CDH13: variants seen among roughly 807,000 people sequenced by gnomAD.
CDH13 encodes the protein cadherin-13.
Under a neutral mutation model 63.8 loss-of-function variants are expected in CDH13, and 24 were observed. The ratio of observed to expected loss-of-function variants is 0.38; its 90% CI spans 0.27 to 0.53. CDH13 has a LOEUF of 0.53. CDH13 is among the 20% of genes least tolerant of loss of function. The pLI, the probability that CDH13 is intolerant of heterozygous loss-of-function variation, is 0.85. For synonymous variants in CDH13, 503 were observed against 355.3 expected (o/e 1.42, Z -4.67); for missense variants, 1,049 against 903.1 (o/e 1.16, Z -2.07).
chr16:82,954,907 T>G (rs1412699983), intron 2 of CDH13, among the ~76,000 whole-genome samples: 1 of 152,236 alleles, frequency 6.6e-6, no homozygotes, highest in Non-Finnish European at 1.5e-5. Context: ...TGTGCCTGCC[T>G]TCTTTCACTT....
At chr16:83,415,773 A>G (rs560706741) in intron 6 of CDH13, among the ~76,000 whole-genome samples, 33 of 152,308 alleles carry the variant, frequency 2.2e-4, no homozygotes, top group African/African-American at 7.0e-4. Flanking sequence ...AAGGCCACAT[A>G]TGAAAAGTCC....
Position 83,791,561 on chromosome 16 carries a change from C to T in CDH13, c.2135-3462C>T, listed in dbSNP as rs549390686. 3.9e-5 allele frequency among the ~76,000 whole-genome samples: 6 copies of T among 151,968 alleles called. No homozygotes were observed. In the East Asian group the frequency reaches 5.8e-4, roughly 15 times the overall value. Reference sequence around the variant, plus strand: ...GGTGGGGTGGCTCATACCTGTAATCCCAGCACTTTGGGAGGCCGAGGTGGG... The same window carrying T: ...GGTGGGGTGGCTCATACCTGTAATCTCAGCACTTTGGGAGGCCGAGGTGGG... On this transcript the variant is annotated intron_variant, in intron 13 of 13. Coordinates refer to ENST00000567109, the MANE Select transcript of CDH13 (RefSeq NM_001257.5).
chr16:82,661,797 C>T (rs1911979062), intron 1 of CDH13, among the ~76,000 whole-genome samples: 1 of 152,252 alleles, frequency 6.6e-6, no homozygotes, highest in East Asian at 1.9e-4. Flanking sequence ...AGTACACACA[C>T]AGATGTGTGT....
chr16:83,208,525 G>T, intron 4 of CDH13, among the ~76,000 whole-genome samples: 1 of 151,904 alleles, frequency 6.6e-6, no homozygotes, highest in South Asian at 2.1e-4. Context: ...ATTAGCATAT[G>T]CATGTAACTC....
intron 2 of CDH13, among the ~76,000 whole-genome samples, chr16:82,999,254 C>A (rs7499722): frequency 5.3e-5 from 8 of 151,616 alleles, no homozygotes; most frequent in African/African-American, 1.7e-4. Flanking sequence ...TTGTTTTTTT[C>A]CCCCCTCCTT....
intron 7 of CDH13, among the ~76,000 whole-genome samples, chr16:83,531,004 G>C (rs1294174783): frequency 6.6e-6 from 1 of 152,138 alleles, no homozygotes; most frequent in Non-Finnish European, 1.5e-5. Context: ...TCCTCTAAAG[G>C]GGGAATGCTG....
chr16:83,183,340 C>G (rs1029663678), intron 4 of CDH13, among the ~76,000 whole-genome samples: 2 of 152,170 alleles, frequency 1.3e-5, no homozygotes, highest in African/African-American at 4.8e-5. Context: ...GATAAAGTTT[C>G]AAAATGCAGA....
intron 6 of CDH13, among the ~76,000 whole-genome samples, chr16:83,427,676 C>A (rs905409211): frequency 3.9e-5 from 6 of 152,130 alleles, no homozygotes; most frequent in African/African-American, 1.4e-4. Context: ...GTGCCTTGTG[C>A]CTTCAGGATT....
At chr16:82,636,664 G>A (rs1188811784) in intron 1 of CDH13, among the ~76,000 whole-genome samples, 1 of 152,028 alleles carries the variant, frequency 6.6e-6, no homozygotes, top group African/African-American at 2.4e-5. Context: ...TGTTTGTGGT[G>A]TAGTAGGAGA....
At chr16:82,657,896 A>G (rs549703113) in intron 1 of CDH13, among the ~76,000 whole-genome samples, 1 of 152,316 alleles carries the variant, frequency 6.6e-6, no homozygotes, top group African/African-American at 2.4e-5. Context: ...TCCAATCACT[A>G]TACCTTTGTT....
At chr16:82,862,282 C>A (rs1033474854) in intron 2 of CDH13, among the ~76,000 whole-genome samples, 1 of 152,218 alleles carries the variant, frequency 6.6e-6, no homozygotes, top group Non-Finnish European at 1.5e-5. Context: ...GAATAGCTGT[C>A]TTGGGCAACT....
intron 5 of CDH13, among the ~76,000 whole-genome samples, chr16:83,310,752 A>G (rs1351189374): frequency 6.6e-6 from 1 of 152,166 alleles, no homozygotes; most frequent in African/African-American, 2.4e-5. Flanking sequence ...GCTGCCCTAG[A>G]GCTAAAATTC....
Position 83,678,328 on chromosome 16 carries a change from C to A in CDH13, c.1405C>A (p.Leu469Met). Reference sequence around the variant, plus strand: ...CACAGCCACCGTCCACATCACTGTCCTGGATGTCAACGAGGGCCCAGTCTT... The same window carrying A: ...CACAGCCACCGTCCACATCACTGTCATGGATGTCAACGAGGGCCCAGTCTT... Reference protein sequence around the residue: ...SSTATVHITVLDVNEGPVFYP... With the variant: ...SSTATVHITVMDVNEGPVFYP... Residue 469 changes from leucine to methionine, a missense_variant, in exon 10 of 14, where the codon CTG (leucine) becomes ATG (methionine). Transcript: ENST00000567109. The A allele has an allele frequency of 6.2e-7, 1 of 1,614,008 alleles. No homozygotes were observed.
At chr16:83,421,332 A>G (rs1180082175) in intron 6 of CDH13, among the ~76,000 whole-genome samples, 1 of 152,220 alleles carries the variant, frequency 6.6e-6, no homozygotes, top group Non-Finnish European at 1.5e-5. Context: ...AAATAAATGT[A>G]ATTAATTCAT....
intron 7 of CDH13, among the ~76,000 whole-genome samples, chr16:83,559,474 G>C (rs1243466401): frequency 1.3e-5 from 2 of 152,088 alleles, no homozygotes; most frequent in Non-Finnish European, 2.9e-5. Flanking sequence ...TGGAGGCTGA[G>C]GTGGGAGAAT....
At chr16:83,362,500 C>T (rs2091181261) in intron 6 of CDH13, among the ~76,000 whole-genome samples, 1 of 152,198 alleles carries the variant, frequency 6.6e-6, no homozygotes, top group South Asian at 2.1e-4. Context: ...GCCATCATGG[C>T]TCACCTCATA....
At position 82,876,299 on chromosome 16, in the gene CDH13, A is replaced by C. The variant is rs149478745; in HGVS notation, c.157+17826A>C. ...GACAGAAATCTGTGAATTAACATGT[A>C]ATGTTGTTAAGCCTGAAACCATCAT... On this transcript the variant is annotated intron_variant, in intron 2 of 13. Transcript: ENST00000567109. Among the ~76,000 whole-genome samples the C allele has an allele frequency of 3.2e-3, 489 of 152,350 alleles. 3 individuals are homozygous for C. Among genetic ancestry groups the C allele is most frequent in the African/African-American group, 0.011 (439 of 41,586 alleles).
chr16:83,760,082 TTAAA>T (rs1170698422), intron 11 of CDH13, among the ~76,000 whole-genome samples: 3 of 152,030 alleles, frequency 2.0e-5, no homozygotes, highest in Non-Finnish European at 2.9e-5. Context: ...CTCAACTTAA[TTAAA>T]TAAAGATATA....
Position 82,937,438 on chromosome 16 carries a change from GACACACAC to G in CDH13, c.157+78981_157+78988del, listed in dbSNP as rs10626791. On this transcript the variant is annotated intron_variant, in intron 2 of 13. Transcript: ENST00000567109. ...ACACATGCACACACACACACACACAGACACACACACACACACACACACAGTCTAGCTGA... is the reference window on the plus strand; with the variant it reads ...ACACATGCACACACACACACACACAGACACACACACACACAGTCTAGCTGA... Among the ~76,000 whole-genome samples the G allele has an allele frequency of 1.9e-4, 28 of 146,932 alleles. No homozygotes were observed. In the East Asian group the frequency reaches 5.5e-3, roughly 29 times the overall value.
Sources: allele counts gnomAD v4.1 joint callset (sites outside exome capture counted in the v4.1 genomes callset), GRCh38; gene constraint gnomAD v4.1.1; transcripts MANE v1.5; gene names NCBI Gene and HGNC (gene_info 2026-07-23, HGNC 2026-07-21).